PHYHIPL: variants seen among roughly 807,000 people sequenced by gnomAD.
PHYHIPL encodes phytanoyl-CoA hydroxylase-interacting protein-like.
A neutral mutation model predicts 33.4 loss-of-function variants in PHYHIPL; 9 were observed. That is an observed-to-expected ratio of 0.27 (90% CI 0.16 to 0.47). The LOEUF (loss-of-function observed/expected upper bound fraction) is 0.47. PHYHIPL is among the 20% of genes least tolerant of loss of function. The pLI, the probability that PHYHIPL is intolerant of heterozygous loss-of-function variation, is 0.99. For synonymous variants in PHYHIPL, 153 were observed against 154.1 expected, an observed-to-expected ratio of 0.99 and a Z score of 0.05; for missense variants, 365 against 460.7, an observed-to-expected ratio of 0.79 and a Z score of 1.90.
At chr10:59,226,228 A>G (rs768988617) in intron 1 of PHYHIPL, among the ~76,000 whole-genome samples, 1 of 152,306 alleles carries the variant, frequency 6.6e-6, no homozygotes, top group South Asian at 2.1e-4. Flanking sequence ...ACACTGGAAG[A>G]AAATCAGAGA....
chr10:59,183,528 A>G (rs1008961079), intron 1 of PHYHIPL: 2 of 305,904 alleles, frequency 6.5e-6, no homozygotes, highest in Non-Finnish European at 9.6e-6. Flanking sequence ...TCAGTTTTAC[A>G]GTGACTTTTA....
intron 1 of PHYHIPL, among the ~76,000 whole-genome samples, chr10:59,224,203 A>T (rs555632324): frequency 2.0e-5 from 3 of 152,292 alleles, no homozygotes; most frequent in African/African-American, 7.2e-5. Flanking sequence ...ATAATTTCAC[A>T]TGGTACTGGG....
At chr10:59,197,478 C>T (rs1838951038) in intron 1 of PHYHIPL, among the ~76,000 whole-genome samples, 1 of 152,136 alleles carries the variant, frequency 6.6e-6, no homozygotes, top group Non-Finnish European at 1.5e-5. Context: ...CAAAACTTCA[C>T]CTGGCTGACT....
At chr10:59,228,366 A>G (rs1396693173) in intron 1 of PHYHIPL, among the ~76,000 whole-genome samples, 5 of 152,162 alleles carry the variant, frequency 3.3e-5, no homozygotes, top group African/African-American at 9.6e-5. Flanking sequence ...ACAATGTTCA[A>G]TGTTACCACT....
At chr10:59,241,920 T>C (rs1379811117) in intron 4 of PHYHIPL, among the ~76,000 whole-genome samples, 1 of 152,172 alleles carries the variant, frequency 6.6e-6, no homozygotes, top group Non-Finnish European at 1.5e-5. Context: ...ATGTTCCCTT[T>C]ACCCACAGGA....
rs185381023 is a variant in PHYHIPL at position 59,236,535 on chromosome 10, G to A, written c.356G>A (p.Arg119His). 9.3e-6 allele frequency: 15 copies of A among 1,610,310 alleles called. No individual in the cohort carries two copies. The Middle Eastern group carries it at 5.0e-4, about 53-fold the overall frequency. Residue 119 changes from arginine to histidine, a missense_variant, in exon 3 of 5, where the codon CGT (arginine) becomes CAT (histidine). Around this residue, in one of 4 missense-constraint regions of PHYHIPL, gnomAD observed 63 missense variants for 119.3 expected, o/e 0.53. Coordinates refer to ENST00000373880, the MANE Select transcript of PHYHIPL (RefSeq NM_032439.4). The stretch of plus-strand genomic sequence containing the variant: ...GCTGTTCCCTTGCCTATGACTGTCC[G>A]TGGACACTGGTTTTTAAGCCCAAGA... Reference protein sequence around the residue: ...AKAVPLPMTVRGHWFLSPRTE... With the variant: ...AKAVPLPMTVHGHWFLSPRTE...
intron 4 of PHYHIPL, among the ~76,000 whole-genome samples, chr10:59,241,664 T>C (rs752079005): frequency 3.9e-5 from 6 of 152,202 alleles, no homozygotes; most frequent in Non-Finnish European, 7.4e-5. Context: ...TATAGATCCA[T>C]GTAGGACACA....
At chr10:59,236,752 T>C (rs1840239517) in intron 3 of PHYHIPL, 95 bp downstream of exon 3, 2 of 1,075,950 alleles carry the variant, frequency 1.9e-6, no homozygotes, top group East Asian at 5.8e-5. Flanking sequence ...TAAAGTGATA[T>C]ATGTGACATT....
At chr10:59,230,581 A>C (rs1248786671) in intron 1 of PHYHIPL, among the ~76,000 whole-genome samples, 1 of 152,152 alleles carries the variant, frequency 6.6e-6, no homozygotes, top group Non-Finnish European at 1.5e-5. Context: ...CATTTTAATG[A>C]AATTGTATCT....
chr10:59,184,491 T>G (rs536232371), intron 1 of PHYHIPL, among the ~76,000 whole-genome samples: 1 of 152,302 alleles, frequency 6.6e-6, no homozygotes, highest in South Asian at 2.1e-4. Context: ...GTTTTGCGAT[T>G]AGGCGAGTCA....
chr10:59,185,022 G>A (rs1234050252), intron 1 of PHYHIPL, among the ~76,000 whole-genome samples: 15 of 122,066 alleles, frequency 1.2e-4, no homozygotes, highest in African/African-American at 3.3e-4. Context: ...ACGGAGTCTC[G>A]CTCTGCCACC....
chr10:59,235,562 G>T (rs1361469132), intron 2 of PHYHIPL, among the ~76,000 whole-genome samples: 2 of 151,880 alleles, frequency 1.3e-5, no homozygotes, highest in Non-Finnish European at 2.9e-5. Flanking sequence ...AGATAAGTGT[G>T]AAAGAGGGAG....
intron 1 of PHYHIPL, among the ~76,000 whole-genome samples, chr10:59,214,042 A>T (rs781667590): frequency 6.6e-6 from 1 of 152,132 alleles, no homozygotes; most frequent in Non-Finnish European, 1.5e-5. Context: ...GGAAAGATGG[A>T]TTATTCAATA....
At chr10:59,196,279 A>C (rs1163189605) in intron 1 of PHYHIPL, among the ~76,000 whole-genome samples, 1 of 151,716 alleles carries the variant, frequency 6.6e-6, no homozygotes, top group Non-Finnish European at 1.5e-5. Flanking sequence ...GATAAAAATA[A>C]AATATTTAAA....
intron 1 of PHYHIPL, among the ~76,000 whole-genome samples, chr10:59,185,392 C>G (rs922565731): frequency 6.6e-6 from 1 of 152,138 alleles, no homozygotes; most frequent in African/African-American, 2.4e-5. Flanking sequence ...GGTTCCAAGT[C>G]TTTGCTATTG....
chr10:59,223,716 T>A (rs911864814), intron 1 of PHYHIPL, among the ~76,000 whole-genome samples: 1 of 152,104 alleles, frequency 6.6e-6, no homozygotes, highest in Non-Finnish European at 1.5e-5. Context: ...TAGAGTTCAG[T>A]GGCATGATCA....
chr10:59,202,093 G>A (rs1043116879), intron 1 of PHYHIPL, among the ~76,000 whole-genome samples: 2 of 152,224 alleles, frequency 1.3e-5, no homozygotes, highest in African/African-American at 4.8e-5. Context: ...TCACTCCAAC[G>A]AAGGCTTAGT....
chr10:59,197,500 CT>C (rs1034386847), intron 1 of PHYHIPL, among the ~76,000 whole-genome samples: 3 of 151,692 alleles, frequency 2.0e-5, no homozygotes, highest in South Asian at 2.1e-4. Context: ...GTAAGCTCTA[CT>C]TTTTTTTTCC....
At chr10:59,230,411 C>T (rs905413794) in intron 1 of PHYHIPL, among the ~76,000 whole-genome samples, 6 of 151,844 alleles carry the variant, frequency 4.0e-5, no homozygotes, top group African/African-American at 1.2e-4. Context: ...AACAGTGTTT[C>T]GCCATGTTGC....
Sources: gnomAD v4.1 joint callset for allele counts (sites outside exome capture counted in the v4.1 genomes callset) on GRCh38, gnomAD v4.1.1 for gene constraint, gnomAD v4.1.1 regional missense constraint, MANE v1.5 for transcripts, NCBI Gene and HGNC (gene_info 2026-07-23, HGNC 2026-07-21) for gene names.